HORMAD2: variants seen among roughly 807,000 people sequenced by gnomAD.
HORMAD2 encodes the protein HORMA domain containing 2.
Under a neutral mutation model 38.8 loss-of-function variants are expected in HORMAD2, and 45 were observed. The observed-to-expected ratio is 1.16, with a 90% confidence interval of 0.91 to 1.49. The LOEUF is 1.49. Ranked by LOEUF, HORMAD2 falls within the 40% of genes most tolerant of loss-of-function variation. HORMAD2 has a pLI of 0.00. For missense variants in HORMAD2, 338 were observed against 367.0 expected (o/e 0.92, Z 0.65); for synonymous variants, 126 against 122.8 (o/e 1.03, Z -0.17).
Position 30,147,427 on chromosome 22 carries a change from A to G in HORMAD2, c.819+25213A>G, listed in dbSNP as rs181892586. ...ACTGGATAGTCATATGGAAAAAAAA[A>G]TGAACCTCAATCCTTACCTCACATT... On this transcript the variant is annotated intron_variant, in intron 10 of 10. Transcript: ENST00000336726. 5.0e-3 allele frequency among the ~76,000 whole-genome samples: 766 copies of G among 151,896 alleles called. 26 individuals carry two copies. Among genetic ancestry groups the G allele is most frequent in the Admixed American group, 0.045 (685 of 15,266 alleles).
intron 7 of HORMAD2, among the ~76,000 whole-genome samples, chr22:30,115,497 GA>G (rs1244329589): frequency 1.3e-5 from 2 of 151,874 alleles, no homozygotes; most frequent in South Asian, 2.1e-4. Flanking sequence ...CTTTATTTTA[GA>G]AAAAAATCGT....
chr22:30,205,364 C>A, the HORMAD2 span, among the ~76,000 whole-genome samples: 46 of 152,290 alleles, frequency 3.0e-4, no homozygotes, highest in Non-Finnish European at 4.3e-4. Context: ...GCTCTCCCTG[C>A]AGTCAGGGAG....
the HORMAD2 span, among the ~76,000 whole-genome samples, chr22:30,185,261 T>C: frequency 1.3e-5 from 2 of 152,224 alleles, no homozygotes; most frequent in East Asian, 3.8e-4. Context: ...ACCAGTTCTC[T>C]GGCCCCTCCT....
At chr22:30,135,408 A>C (rs1660241871) in intron 10 of HORMAD2, among the ~76,000 whole-genome samples, 1 of 151,856 alleles carries the variant, frequency 6.6e-6, no homozygotes, top group African/African-American at 2.4e-5. Flanking sequence ...GAGAGAACCC[A>C]AGCAGAGCAT....
intron 7 of HORMAD2, among the ~76,000 whole-genome samples, chr22:30,118,372 C>T (rs1037849703): frequency 2.0e-5 from 3 of 152,180 alleles, no homozygotes; most frequent in African/African-American, 7.2e-5. Flanking sequence ...CATAACTGAC[C>T]CTTGAGGCTC....
intron 10 of HORMAD2, among the ~76,000 whole-genome samples, chr22:30,134,031 C>T (rs906510770): frequency 2.6e-5 from 4 of 152,088 alleles, no homozygotes; most frequent in African/African-American, 9.7e-5. Context: ...AACAAACAAA[C>T]TTTATCACTA....
chr22:30,170,826 T>G (rs1400753875), intron 10 of HORMAD2, among the ~76,000 whole-genome samples: 1 of 152,136 alleles, frequency 6.6e-6, no homozygotes, highest in Non-Finnish European at 1.5e-5. Context: ...CTCAATTTCT[T>G]TAGTCTTTTA....
At chr22:30,147,325 C>T (rs980785221) in intron 10 of HORMAD2, among the ~76,000 whole-genome samples, 5 of 151,562 alleles carry the variant, frequency 3.3e-5, no homozygotes, top group East Asian at 3.9e-4. Context: ...TAGACCCACA[C>T]GTATGTAGTC....
At chr22:30,092,837 A>G (rs2068715478) in intron 1 of HORMAD2, among the ~76,000 whole-genome samples, 1 of 151,990 alleles carries the variant, frequency 6.6e-6, no homozygotes, top group Admixed American at 6.6e-5. Flanking sequence ...ATTCTGTTCC[A>G]TTGGTCTATG....
intron 5 of HORMAD2, 111 bp from the exon 6 acceptor site, chr22:30,111,685 C>A: frequency 2.4e-6 from 2 of 844,526 alleles, no homozygotes; most frequent in Non-Finnish European, 3.6e-6. Flanking sequence ...TTTTTTCCTA[C>A]CCAAATCTTT....
intron 10 of HORMAD2, among the ~76,000 whole-genome samples, chr22:30,155,655 AACAC>A (rs3067136): frequency 1.3e-5 from 2 of 150,358 alleles, no homozygotes; most frequent in African/African-American, 4.9e-5. Context: ...GTATGTACAC[AACAC>A]ACACACACAC....
At chr22:30,182,136 A>G in the HORMAD2 span, among the ~76,000 whole-genome samples, 6 of 152,170 alleles carry the variant, frequency 3.9e-5, no homozygotes, top group African/African-American at 7.2e-5. Context: ...CACCCTACTT[A>G]CTAGCTGTAT....
intron 5 of HORMAD2, among the ~76,000 whole-genome samples, chr22:30,108,471 G>A (rs767743853): frequency 1.3e-5 from 2 of 152,000 alleles, no homozygotes; most frequent in African/African-American, 2.4e-5. Context: ...CCTCTTGCCT[G>A]GAAACTTCTC....
At chr22:30,191,985 A>G in the HORMAD2 span, 3 of 152,250 alleles carry the variant, frequency 2.0e-5, no homozygotes, top group Non-Finnish European at 4.4e-5. Context: ...TACTTAAAGC[A>G]ACAACCAAAA....
At chr22:30,131,781 A>T (rs1357338113) in intron 10 of HORMAD2, among the ~76,000 whole-genome samples, 1 of 152,218 alleles carries the variant, frequency 6.6e-6, no homozygotes, top group Non-Finnish European at 1.5e-5. Flanking sequence ...TTTAAAAATA[A>T]TGTTTTAAGA....
chr22:30,143,847 G>A (rs756537940), intron 10 of HORMAD2, among the ~76,000 whole-genome samples: 80 of 152,256 alleles, frequency 5.3e-4, no homozygotes, highest in Non-Finnish European at 9.3e-4. Context: ...GTAATGGTGA[G>A]TTCTTGCAAG....
At chr22:30,141,894 C>T (rs765941493) in intron 10 of HORMAD2, among the ~76,000 whole-genome samples, 15 of 152,064 alleles carry the variant, frequency 9.9e-5, no homozygotes, top group Admixed American at 1.3e-4. Flanking sequence ...TGCGCCCAGC[C>T]GAACATACTT....
chr22:30,151,843 T>G (rs904503429), intron 10 of HORMAD2, among the ~76,000 whole-genome samples: 5 of 152,222 alleles, frequency 3.3e-5, no homozygotes, highest in Admixed American at 6.5e-5. Flanking sequence ...ATTCTTCCAC[T>G]TGGTTTTGGA....
At chr22:30,164,308 T>C (rs1439601579) in intron 10 of HORMAD2, among the ~76,000 whole-genome samples, 1 of 152,224 alleles carries the variant, frequency 6.6e-6, no homozygotes, top group African/African-American at 2.4e-5. Context: ...CTTTTGGATA[T>C]GTACCCAGCA....
Sources: gnomAD v4.1 joint callset for allele counts (sites outside exome capture counted in the v4.1 genomes callset) on GRCh38, gnomAD v4.1.1 for gene constraint, MANE v1.5 for transcripts, NCBI Gene and HGNC (gene_info 2026-07-23, HGNC 2026-07-21) for gene names.